TRIM23: variants seen among roughly 807,000 people sequenced by gnomAD.
TRIM23 encodes tripartite motif containing 23, also known as E3 ubiquitin-protein ligase TRIM23.
In TRIM23, 27 loss-of-function variants were observed where a neutral mutation model predicts 71.0. The observed-to-expected ratio is 0.38, with a 90% confidence interval of 0.28 to 0.52. The LOEUF (loss-of-function observed/expected upper bound fraction) is 0.52, where lower values mean the gene tolerates loss of function less well. Among genes scored for constraint, TRIM23 ranks in the 20% least tolerant of loss-of-function variants. The pLI, the probability that TRIM23 is intolerant of heterozygous loss-of-function variation, is 0.84. For synonymous variants in TRIM23, 234 were observed against 238.0 expected, an observed-to-expected ratio of 0.98 and a Z score of 0.16; for missense variants, 482 against 692.3, an observed-to-expected ratio of 0.70 and a Z score of 3.41.
At chr5:65,605,114 C>A in intron 6 of TRIM23, 69 bp from the exon 7 acceptor site, 1 of 1,392,544 alleles carries the variant, frequency 7.2e-7, no homozygotes, top group South Asian at 1.6e-5. Flanking sequence ...CTTATATTAC[C>A]AACTCACAAT....
At chr5:65,608,959 C>G (rs899942961) in intron 6 of TRIM23, among the ~76,000 whole-genome samples, 1 of 146,118 alleles carries the variant, frequency 6.8e-6, no homozygotes, top group African/African-American at 2.5e-5. Context: ...AAAAAAAAAA[C>G]TACATATATG....
chr5:65,595,694 C>T (rs1373084327), intron 9 of TRIM23, among the ~76,000 whole-genome samples: 1 of 151,522 alleles, frequency 6.6e-6, no homozygotes, highest in Non-Finnish European at 1.5e-5. Flanking sequence ...CCACTGTACT[C>T]CTGCCTGGGC....
intron 6 of TRIM23, among the ~76,000 whole-genome samples, chr5:65,605,644 A>C (rs1425661237): frequency 6.6e-6 from 1 of 152,238 alleles, no homozygotes; most frequent in Non-Finnish European, 1.5e-5. Context: ...TCGTTAAAAA[A>C]AATAAAGAAT....
At chr5:65,592,447 G>A (rs979140224) in intron 10 of TRIM23, among the ~76,000 whole-genome samples, 13 of 151,852 alleles carry the variant, frequency 8.6e-5, no homozygotes, top group Non-Finnish European at 7.4e-5. Flanking sequence ...GGCTGGTCTC[G>A]AACTCCTGAC....
At chr5:65,618,382 A>C (rs75120967) in intron 1 of TRIM23, 127 bp from the exon 2 acceptor site, 4 of 1,022,630 alleles carry the variant, frequency 3.9e-6, no homozygotes, top group Non-Finnish European at 5.2e-6. Context: ...TGAAAAAAAA[A>C]CTATGTAGGT....
At chr5:65,608,304 C>A (rs571016400) in intron 6 of TRIM23, among the ~76,000 whole-genome samples, 1 of 152,196 alleles carries the variant, frequency 6.6e-6, no homozygotes, top group South Asian at 2.1e-4. Flanking sequence ...CTGTAGAGTT[C>A]TAGCCCTAGT....
chr5:65,622,422 C>T (rs1011875884), intron 1 of TRIM23, among the ~76,000 whole-genome samples: 5 of 152,198 alleles, frequency 3.3e-5, no homozygotes, highest in African/African-American at 1.2e-4. Context: ...CCACTTTGGC[C>T]TCCCAAAGTG....
chr5:65,614,312 G>A (rs1754727936), intron 2 of TRIM23, 93 bp from the exon 3 acceptor site: 1 of 1,175,060 alleles, frequency 8.5e-7, no homozygotes, highest in African/African-American at 1.5e-5. Context: ...ATATAGTTCA[G>A]TAGTTAATGT....
chr5:65,594,475 T>C (rs1287241597), intron 10 of TRIM23, 46 bp downstream of exon 10: 1 of 1,568,978 alleles, frequency 6.4e-7, no homozygotes, highest in Admixed American at 2.0e-5. Context: ...CCTTTTGACA[T>C]GCACAAAACT....
chr5:65,623,478 G>A (rs571082170), intron 1 of TRIM23, among the ~76,000 whole-genome samples: 1 of 152,198 alleles, frequency 6.6e-6, no homozygotes, highest in Non-Finnish European at 1.5e-5. Context: ...GGAAAAATGA[G>A]TGCCACATAT....
At chr5:65,624,035 A>G (rs369164884) in intron 1 of TRIM23, among the ~76,000 whole-genome samples, 159 bp downstream of exon 1, 30 of 152,340 alleles carry the variant, frequency 2.0e-4, no homozygotes, top group African/African-American at 7.0e-4. Context: ...CATAGGAGAG[A>G]AAGGATGCAG....
At chr5:65,609,607 G>T in intron 5 of TRIM23, 149 bp from the exon 6 acceptor site, 1 of 783,874 alleles carries the variant, frequency 1.3e-6, no homozygotes, top group Non-Finnish European at 2.0e-6. Flanking sequence ...GCATGTGCCT[G>T]TAGTCCCAGC....
At position 65,610,873 on chromosome 5, in the gene TRIM23, A is replaced by C; in HGVS notation, c.816T>G (p.Ala272=). 2 of 1,607,466 alleles carry C rather than the reference A, an allele frequency of 1.2e-6. No individual in the cohort carries two copies. Among genetic ancestry groups the C allele is most frequent in the South Asian group, 2.2e-5 (2 of 89,526 alleles). The change falls in exon 5 of 11, where the codon GCT becomes GCG. Residue 272 remains alanine (A), a synonymous_variant. Transcript: ENST00000231524. Reference sequence around the variant, plus strand: ...AAAAAATCCATACATGTTCTGTGTGAGCCATTCCAATTCCATCTTCCACGA... The same window carrying C: ...AAAAAATCCATACATGTTCTGTGTGCGCCATTCCAATTCCATCTTCCACGA... ...EQIVEDGIGM[A]HTEHVPGTAE...
At chr5:65,605,074 A>C in intron 6 of TRIM23, 29 bp from the exon 7 acceptor site, 1 of 1,561,038 alleles carries the variant, frequency 6.4e-7, no homozygotes, top group Admixed American at 1.9e-5. Flanking sequence ...TATTTCTTAT[A>C]AACTTTTTAT....
At chr5:65,600,402 ACCACTCAATGAAAAGACAGTCT>A (rs1411261055) in intron 7 of TRIM23, among the ~76,000 whole-genome samples, 1 of 152,156 alleles carries the variant, frequency 6.6e-6, no homozygotes, top group Admixed American at 6.5e-5. Flanking sequence ...AGGGTGCAGG[ACCACTCAATGAAAAGACAGTCT>A]CTTCAATAAA....
rs10644434 is a variant in TRIM23, at chr5:65,591,645, T to TTATATATA, written c.*116_*123dup. 27,782 of 711,880 alleles carry TTATATATA rather than the reference T, an allele frequency of 0.039. 586 individuals are homozygous for TTATATATA. The highest frequency in any genetic ancestry group is 0.094 in the African/African-American group (4,276 of 45,692). The allele number at this position is 711,880 out of a possible 1,614,324, so 44.1% of individuals were successfully genotyped here. On this transcript the variant is annotated 3_prime_UTR_variant, in exon 11 of 11. Coordinates refer to ENST00000231524, the MANE Select transcript of TRIM23 (RefSeq NM_001656.4). ...ACTGAATTCCCAATCCAAGATTCCT[T>TTATATATA]TATATATATATATATATATATGCAT... is the stretch of plus-strand genomic sequence containing the variant.
At chr5:65,608,352 G>GA (rs1362604445) in intron 6 of TRIM23, among the ~76,000 whole-genome samples, 2 of 152,152 alleles carry the variant, frequency 1.3e-5, no homozygotes, top group Admixed American at 1.3e-4. Flanking sequence ...GTTTGGAGCT[G>GA]AAAATCAACT....
At chr5:65,621,095 G>A (rs1754926391) in intron 1 of TRIM23, among the ~76,000 whole-genome samples, 1 of 152,144 alleles carries the variant, frequency 6.6e-6, no homozygotes, top group Non-Finnish European at 1.5e-5. Context: ...GCTCACGCCT[G>A]TAATCTCAGC....
intron 5 of TRIM23, 95 bp downstream of exon 5, chr5:65,610,766 T>G (rs1754628082): frequency 1.8e-6 from 2 of 1,084,960 alleles, no homozygotes; most frequent in South Asian, 3.4e-5. Context: ...GGTGCAATAC[T>G]GGCAAATTGT....
Sources: allele counts gnomAD v4.1 joint callset (sites outside exome capture counted in the v4.1 genomes callset), GRCh38; gene constraint gnomAD v4.1.1; transcripts MANE v1.5; gene names NCBI Gene and HGNC (gene_info 2026-07-23, HGNC 2026-07-21).